PEX26: variants seen among roughly 807,000 people sequenced by gnomAD.
The protein encoded by PEX26 is peroxisomal biogenesis factor 26.
In PEX26, 18 loss-of-function variants were observed where a neutral mutation model predicts 31.4. The ratio of observed to expected loss-of-function variants is 0.57; its 90% CI spans 0.40 to 0.85. The LOEUF (loss-of-function observed/expected upper bound fraction) is 0.85, where lower values mean the gene tolerates loss of function less well. Ranked by LOEUF, PEX26 falls within the 40% of genes least tolerant of loss-of-function variation. The probability of loss-of-function intolerance (pLI) is 0.00; values close to 1 mark genes in which losing one functional copy is unlikely to be tolerated. For missense variants in PEX26, 377 were observed against 383.9 expected, an observed-to-expected ratio of 0.98 and a Z score of 0.15; for synonymous variants, 176 against 166.9, an observed-to-expected ratio of 1.05 and a Z score of -0.42.
Position 18,084,987 on chromosome 22 carries a change from C to G in PEX26, c.668-125C>G, listed in dbSNP as rs1157171356. The G allele has an allele frequency of 8.5e-6, 8 of 941,720 alleles. No individual in the cohort carries two copies. The East Asian group carries it at 2.1e-4, about 25-fold the overall frequency. 58.3% of individuals were successfully genotyped at this position (941,720 alleles called of 1,614,324 possible). ...CCACCTGCCTCAGCCTCCCAAAGTG[C>G]TGGGATTACAGGCATGAGCCACTGC... is the stretch of plus-strand genomic sequence containing the variant. On this transcript the variant is annotated intron_variant, in intron 3 of 4. Transcript: ENST00000399744.
intron 4 of PEX26, among the ~76,000 whole-genome samples, chr22:18,086,488 T>C (rs466130): frequency 1.3e-5 from 2 of 152,070 alleles, no homozygotes; most frequent in East Asian, 3.9e-4. Flanking sequence ...CCCTAAGTAA[T>C]TTAACAACCC....
intron 1 of PEX26, 113 bp from the exon 2 acceptor site, chr22:18,079,759 TGA>T: frequency 8.5e-7 from 1 of 1,173,246 alleles, no homozygotes; most frequent in Non-Finnish European, 1.3e-6. Flanking sequence ...CTAACAGGGA[TGA>T]GAGAGATGAT....
rs753539295 is a variant in PEX26, at chr22:18,078,410, C to T, written c.34C>T (p.Leu12Phe). ...CGATTCTTCGACCTCTGCAGCCCCC[C>T]TCAGGGGGCTCGGGGGACCCCTGCG... ...KSDSSTSAAP[L>F]RGLGGPLRSS... Residue 12 changes from leucine (L) to phenylalanine (F), a missense_variant, in exon 1 of 5, where the codon CTC becomes TTC. Physicochemically the swap from Leu to Phe is conservative, Grantham distance 22 (BLOSUM62 0). Coordinates refer to ENST00000399744, the MANE Select transcript of PEX26 (RefSeq NM_001127649.3). 7.5e-6 allele frequency: 12 copies of T among 1,595,824 alleles called. No homozygotes were observed. The highest frequency in any genetic ancestry group is 9.4e-6 in the Non-Finnish European group (11 of 1,173,618).
Position 18,098,040 on chromosome 22 carries a change from A to G in PEX26, c.*9965A>G, listed in dbSNP as rs532225034. 6.6e-6 allele frequency: 1 copy of G among 152,146 alleles called. No individual in the cohort carries two copies. Among genetic ancestry groups the G allele is most frequent in the Non-Finnish European group, 1.5e-5 (1 of 68,026 alleles). The allele number at this position is 152,146 out of a possible 1,614,324, so 9.4% of individuals were successfully genotyped here. A position where few individuals can be genotyped will look rare whatever the true frequency, so the allele number is the denominator to read the frequency against. On this transcript the variant is annotated 3_prime_UTR_variant, in exon 5 of 5. Coordinates refer to ENST00000399744, the MANE Select transcript of PEX26 (RefSeq NM_001127649.3). ...AGCCTGGCCAACATGATGAAACCCC[A>G]TCTCTTCAAAAAATCTAAAAATTAG...
chr22:18,080,575 C>CT lies in PEX26; in HGVS notation c.371+562dup, dbSNP rs371927289. ...TCAATCTCCTGACCTCGTGATCCAC[C>CT]TGCCTCGGCATCCCAAAGTGCTGGG... On this transcript the variant is annotated intron_variant, in intron 2 of 4. Transcript: ENST00000399744. Among the ~76,000 whole-genome samples, 306 of 152,314 alleles carry CT rather than the reference C, an allele frequency of 2.0e-3. 3 individuals are homozygous for CT. Among genetic ancestry groups the CT allele is most frequent in the African/African-American group, 7.0e-3 (292 of 41,572 alleles).
chr22:18,093,517 G>C lies in PEX26; in HGVS notation c.*5442G>C. Reference sequence around the variant, plus strand: ...GGCGGAGCTTGCAGTGAGCCTAGATGGCGCCACTGCACTCCAGCCTGGGGG... The same window carrying C: ...GGCGGAGCTTGCAGTGAGCCTAGATCGCGCCACTGCACTCCAGCCTGGGGG... On this transcript the variant is annotated 3_prime_UTR_variant, in exon 5 of 5. Transcript: ENST00000399744. 6.6e-6 allele frequency: 1 copy of C among 151,806 alleles called. No individual in the cohort carries two copies. The highest frequency in any genetic ancestry group is 1.5e-5 in the Non-Finnish European group (1 of 67,932). The allele number at this position is 151,806 out of a possible 1,614,324, so 9.4% of individuals were successfully genotyped here.
chr22:18,078,419 C>G lies in PEX26; in HGVS notation c.43C>G (p.Leu15Val), dbSNP rs1051110181. The G allele has an allele frequency of 1.3e-6, 2 of 1,591,682 alleles. No individual in the cohort carries two copies. The highest frequency in any genetic ancestry group is 1.7e-6 in the Non-Finnish European group (2 of 1,172,370). The change falls in exon 1 of 5, where the codon CTC becomes GTC. Residue 15 changes from leucine to valine, a missense_variant. Transcript: ENST00000399744. ...GACCTCTGCAGCCCCCCTCAGGGGG[C>G]TCGGGGGACCCCTGCGCAGCAGCGA... ...SSTSAAPLRG[L>V]GGPLRSSEPV...
chr22:18,082,105 G>T (rs1926641327), intron 2 of PEX26, among the ~76,000 whole-genome samples: 1 of 132,332 alleles, frequency 7.6e-6, no homozygotes. Flanking sequence ...GATATATTCT[G>T]GATATTAACG....
chr22:18,082,512 C>T (rs1569187479), intron 2 of PEX26, among the ~76,000 whole-genome samples: 1 of 152,176 alleles, frequency 6.6e-6, no homozygotes, highest in Non-Finnish European at 1.5e-5. Context: ...AATCAGTTGG[C>T]TGTAGGTGCA....
chr22:18,081,034 T>C (rs1009406374), intron 2 of PEX26, among the ~76,000 whole-genome samples: 2 of 151,798 alleles, frequency 1.3e-5, no homozygotes, highest in African/African-American at 4.8e-5. Flanking sequence ...AGTGAAATCA[T>C]GTAGTATTTA....
rs1927214976 is a variant in PEX26 at position 18,094,045 on chromosome 22, T to C, written c.*5970T>C. The C allele has an allele frequency of 6.6e-6, 1 of 152,264 alleles. No individual in the cohort carries two copies. Among genetic ancestry groups the C allele is most frequent in the South Asian group, 2.1e-4 (1 of 4,826 alleles). 9.4% of individuals were successfully genotyped at this position (152,264 alleles called of 1,614,324 possible). A position where few individuals can be genotyped will look rare whatever the true frequency, so the allele number is the denominator to read the frequency against. Reference sequence around the variant, plus strand: ...ATTTTAATATTGACCTGAGCTCATATTTAGCTCTACATGTTTCCCAGCTCG... The same window carrying C: ...ATTTTAATATTGACCTGAGCTCATACTTAGCTCTACATGTTTCCCAGCTCG... On this transcript the variant is annotated 3_prime_UTR_variant, in exon 5 of 5. Transcript: ENST00000399744.
At chr22:18,079,231 C>G (rs983262976) in intron 1 of PEX26, 9 of 985,270 alleles carry the variant, frequency 9.1e-6, no homozygotes, top group African/African-American at 1.7e-5. Context: ...ATTGCTCTTT[C>G]TAATGCCACC....
rs1425511561 is a variant in PEX26, at chr22:18,093,712, T to A, written c.*5637T>A. 6.6e-6 allele frequency: 1 copy of A among 152,252 alleles called. No homozygotes were observed. Among genetic ancestry groups the A allele is most frequent in the Non-Finnish European group, 1.5e-5 (1 of 68,054 alleles). The allele number at this position is 152,252 out of a possible 1,614,324, so 9.4% of individuals were successfully genotyped here. On this transcript the variant is annotated 3_prime_UTR_variant, in exon 5 of 5. Transcript: ENST00000399744. ...TGTCTGATTGTGTATCTAGCAACAT[T>A]GCAGTATGAAGAAAAGAGATGCCCC...
At position 18,104,093 on chromosome 22, in the gene PEX26, T is replaced by G. The variant is rs552750325; in HGVS notation, c.*16018T>G. 2 of 152,244 alleles carry G rather than the reference T, an allele frequency of 1.3e-5. No individual in the cohort carries two copies. Among genetic ancestry groups the G allele is most frequent in the Non-Finnish European group, 2.9e-5 (2 of 68,036 alleles). The allele number at this position is 152,244 out of a possible 1,614,324, so 9.4% of individuals were successfully genotyped here. A position where few individuals can be genotyped will look rare whatever the true frequency, so the allele number is the denominator to read the frequency against. On this transcript the variant is annotated 3_prime_UTR_variant, in exon 5 of 5. Transcript: ENST00000399744. ...ACTATTCAACCAGTTGTTTCAGTGTTGGTTAGGAGGAAAATGCCCAGAAAG... is the reference window on the plus strand; with the variant it reads ...ACTATTCAACCAGTTGTTTCAGTGTGGGTTAGGAGGAAAATGCCCAGAAAG...
Position 18,080,032 on chromosome 22 carries a change from A to G in PEX26, c.371+18A>G. ...GAGCTGTGGTAAGTCTTCTTTGCTGACTCATCAGATCGGTTCAGAAACGAG... is the reference window on the plus strand; with the variant it reads ...GAGCTGTGGTAAGTCTTCTTTGCTGGCTCATCAGATCGGTTCAGAAACGAG... On this transcript the variant is annotated intron_variant, in intron 2 of 4. Transcript: ENST00000399744. 1 of 1,613,822 alleles carries G rather than the reference A, an allele frequency of 6.2e-7. No individual in the cohort carries two copies. Among genetic ancestry groups the G allele is most frequent in the African/African-American group, 1.3e-5 (1 of 74,966 alleles).
At position 18,097,403 on chromosome 22, in the gene PEX26, A is replaced by G. The variant is rs1000297942; in HGVS notation, c.*9328A>G. ...CTCAGCCTCCCAAGTGGCTGGGACT[A>G]CAGGCTCCTGCCACCGCGCCCGGCT... On this transcript the variant is annotated 3_prime_UTR_variant, in exon 5 of 5. Coordinates refer to ENST00000399744, the MANE Select transcript of PEX26 (RefSeq NM_001127649.3). 37 of 152,008 alleles carry G rather than the reference A, an allele frequency of 2.4e-4. No individual in the cohort carries two copies. The highest frequency in any genetic ancestry group is 9.0e-4 in the African/African-American group (37 of 41,290). The allele number at this position is 152,008 out of a possible 1,614,324, so 9.4% of individuals were successfully genotyped here.
rs1927143307 is a variant in PEX26, at chr22:18,092,669, C to T, written c.*4594C>T. The T allele has an allele frequency of 6.7e-6, 1 of 149,118 alleles. No individual in the cohort carries two copies. The highest frequency in any genetic ancestry group is 2.5e-5 in the African/African-American group (1 of 40,574). 9.2% of individuals were successfully genotyped at this position (149,118 alleles called of 1,614,324 possible). A position where few individuals can be genotyped will look rare whatever the true frequency, so the allele number is the denominator to read the frequency against. On this transcript the variant is annotated 3_prime_UTR_variant, in exon 5 of 5. Coordinates refer to ENST00000399744, the MANE Select transcript of PEX26 (RefSeq NM_001127649.3). ...TAACTAATTCTTTTTTTTCCTGCAACTCCTGCTTCACAGACTTTTTTTTTT... is the reference window on the plus strand; with the variant it reads ...TAACTAATTCTTTTTTTTCCTGCAATTCCTGCTTCACAGACTTTTTTTTTT...
At chr22:18,080,681 A>G (rs1252049006) in intron 2 of PEX26, among the ~76,000 whole-genome samples, 1 of 152,186 alleles carries the variant, frequency 6.6e-6, no homozygotes, top group Admixed American at 6.5e-5. Context: ...TATGGGGTAA[A>G]TTAGACATTT....
rs1455481345 is a variant in PEX26 at position 18,096,014 on chromosome 22, GGTTTTACCATGTT to G, written c.*7941_*7953del. ...ATTTTTGAATTTTTAGTAGAGACGGGGTTTTACCATGTTGGCCAGGCTGGTCTTGAACTCTTGA... is the reference window on the plus strand; with the variant it reads ...ATTTTTGAATTTTTAGTAGAGACGGGGGCCAGGCTGGTCTTGAACTCTTGA... On this transcript the variant is annotated 3_prime_UTR_variant, in exon 5 of 5. Coordinates refer to ENST00000399744, the MANE Select transcript of PEX26 (RefSeq NM_001127649.3). The G allele has an allele frequency of 6.6e-6, 1 of 152,122 alleles. No homozygotes were observed. The highest frequency in any genetic ancestry group is 1.5e-5 in the Non-Finnish European group (1 of 68,052). The allele number at this position is 152,122 out of a possible 1,614,324, so 9.4% of individuals were successfully genotyped here.
Sources: gnomAD v4.1 joint callset for allele counts (sites outside exome capture counted in the v4.1 genomes callset) on GRCh38, gnomAD v4.1.1 for gene constraint, MANE v1.5 for transcripts, NCBI Gene and HGNC (gene_info 2026-07-23, HGNC 2026-07-21) for gene names.